TTC39B: variants seen among roughly 807,000 people sequenced by gnomAD.
TTC39B encodes the protein tetratricopeptide repeat protein 39B.
Under a neutral mutation model 96.6 loss-of-function variants are expected in TTC39B, and 92 were observed. The observed-to-expected ratio is 0.95, with a 90% CI of 0.80 to 1.13. The LOEUF (loss-of-function observed/expected upper bound fraction) is 1.13. TTC39B is among the 50% of genes most tolerant of loss of function. The probability of loss-of-function intolerance (pLI) is 0.00; values close to 1 mark genes in which losing one functional copy is unlikely to be tolerated. For synonymous variants in TTC39B, 367 were observed against 299.4 expected, an observed-to-expected ratio of 1.23 and a Z score of -2.33; for missense variants, 955 against 809.3, an observed-to-expected ratio of 1.18 and a Z score of -2.18.
chr9:15,164,579 T>C (rs1172154885), exon 20 of TTC39B: 1 of 152,212 alleles, frequency 6.6e-6, no homozygotes, highest in African/African-American at 2.4e-5. Flanking sequence ...AAAAAAATAC[T>C]TCTCATTTAT....
intron 16 of TTC39B, 78 bp downstream of exon 16, chr9:15,185,202 C>G (rs1409568886): frequency 8.0e-6 from 12 of 1,495,474 alleles, no homozygotes; most frequent in Non-Finnish European, 9.8e-6. Flanking sequence ...AACTTCATAA[C>G]CAAATTTAGA....
chr9:15,198,452 G>A (rs1304340409), intron 8 of TTC39B, among the ~76,000 whole-genome samples: 18 of 108,350 alleles, frequency 1.7e-4, no homozygotes, highest in Admixed American at 6.5e-4. Context: ...GCAAGGTCTC[G>A]GTCGCAAAAA....
intron 1 of TTC39B, among the ~76,000 whole-genome samples, chr9:15,277,394 C>G (rs1476009262): frequency 6.6e-6 from 1 of 152,210 alleles, no homozygotes; most frequent in Non-Finnish European, 1.5e-5. Flanking sequence ...CCCCATTGCA[C>G]TCCAGCCCGA....
At chr9:15,281,986 A>G (rs937365314) in intron 1 of TTC39B, among the ~76,000 whole-genome samples, 3 of 152,178 alleles carry the variant, frequency 2.0e-5, no homozygotes, top group Non-Finnish European at 2.9e-5. Flanking sequence ...ACTTACCTAC[A>G]TATTTTATTA....
At chr9:15,291,194 C>T (rs1319021592) in intron 1 of TTC39B, among the ~76,000 whole-genome samples, 1 of 152,136 alleles carries the variant, frequency 6.6e-6, no homozygotes, top group Admixed American at 6.5e-5. Context: ...TGGCTGTGTC[C>T]CCACCCAAAT....
intron 7 of TTC39B, 83 bp downstream of exon 7, chr9:15,203,740 T>C: frequency 9.0e-7 from 1 of 1,116,078 alleles, no homozygotes; most frequent in South Asian, 1.6e-5. Context: ...AACTGAAGCT[T>C]TGACATAGAA....
chr9:15,285,186 G>C (rs1313328723), intron 1 of TTC39B, among the ~76,000 whole-genome samples: 1 of 151,602 alleles, frequency 6.6e-6, no homozygotes, highest in Non-Finnish European at 1.5e-5. Context: ...GGAGAATGGC[G>C]TGAACCCGGG....
chr9:15,302,609 C>T (rs1174079174), intron 1 of TTC39B, among the ~76,000 whole-genome samples: 6 of 145,724 alleles, frequency 4.1e-5, no homozygotes, highest in East Asian at 4.2e-4. Context: ...TTTGAGAGGC[C>T]GAGGTAGGTG....
rs552123842 is a variant in TTC39B, at chr9:15,212,593, T to C, written c.483-1196A>G. On this transcript the variant is annotated intron_variant, in intron 4 of 19. Transcript: ENST00000512701. The stretch of plus-strand genomic sequence containing the variant: ...GGCATGCACCACCATGCCTGGCTAA[T>C]TTTTTGTATTTTTAGTAGAGACAGG... Among the ~76,000 whole-genome samples the C allele has an allele frequency of 9.2e-5, 14 of 152,070 alleles. 1 individual carries two copies. The South Asian group carries it at 2.9e-3, about 32-fold the overall frequency.
chr9:15,285,764 A>C (rs1417833580), intron 1 of TTC39B, among the ~76,000 whole-genome samples: 1 of 152,098 alleles, frequency 6.6e-6, no homozygotes, highest in Non-Finnish European at 1.5e-5. Flanking sequence ...CTGAGGCAGG[A>C]GAATGGCGTG....
chr9:15,284,501 A>T (rs527279575), intron 1 of TTC39B, among the ~76,000 whole-genome samples: 1 of 152,382 alleles, frequency 6.6e-6, no homozygotes, highest in East Asian at 1.9e-4. Context: ...TAAATAAATT[A>T]TAGTACAATT....
intron 11 of TTC39B, 131 bp from the exon 12 acceptor site, chr9:15,189,923 T>C (rs940900014): frequency 7.6e-6 from 5 of 661,596 alleles, no homozygotes; most frequent in Non-Finnish European, 1.3e-5. Context: ...TTCATCATTT[T>C]TATATCTGGG....
chr9:15,297,760 C>G (rs1371712927), intron 1 of TTC39B, among the ~76,000 whole-genome samples: 2 of 152,112 alleles, frequency 1.3e-5, no homozygotes, highest in African/African-American at 2.4e-5. Context: ...TGCCAGGGAG[C>G]CACCTAAAAT....
At chr9:15,205,082 C>G (rs575814239) in intron 6 of TTC39B, among the ~76,000 whole-genome samples, 5 of 152,170 alleles carry the variant, frequency 3.3e-5, no homozygotes, top group African/African-American at 1.2e-4. Flanking sequence ...TATGGGACCT[C>G]GTCCCCTCTC....
rs556694864 is a variant in TTC39B at position 15,269,787 on chromosome 9, G to A, written c.241-1839C>T. The stretch of plus-strand genomic sequence containing the variant: ...GGATAATCGCTTGAACCTGGGAGGC[G>A]GACGTTACAGTGAGCCGAGATCATG... On this transcript the variant is annotated intron_variant, in intron 1 of 19. Transcript: ENST00000512701. 1.5e-4 allele frequency among the ~76,000 whole-genome samples: 23 copies of A among 150,636 alleles called. No individual in the cohort carries two copies. In the South Asian group the frequency reaches 3.8e-3, roughly 25 times the overall value.
At chr9:15,198,947 T>C (rs1025486064) in intron 8 of TTC39B, among the ~76,000 whole-genome samples, 3 of 152,116 alleles carry the variant, frequency 2.0e-5, no homozygotes, top group Non-Finnish European at 4.4e-5. Flanking sequence ...CAAAGTTAAA[T>C]AGAGACATTT....
chr9:15,211,543 C>A (rs1820201270), intron 4 of TTC39B, 146 bp from the exon 5 acceptor site: 1 of 726,566 alleles, frequency 1.4e-6, no homozygotes, highest in Non-Finnish European at 1.9e-6. Flanking sequence ...TGAAAAGTAA[C>A]CTCTTAAAAA....
intron 2 of TTC39B, among the ~76,000 whole-genome samples, chr9:15,231,709 A>T (rs145585068): frequency 2.1e-3 from 326 of 152,348 alleles, no homozygotes; most frequent in African/African-American, 7.5e-3. Context: ...TAAATCCAAC[A>T]CAATATGTTA....
At chr9:15,218,632 T>TAAAAAAAAAAAAA (rs545882970) in intron 3 of TTC39B, among the ~76,000 whole-genome samples, 1,280 of 105,116 alleles carry the variant, frequency 0.012, 24 homozygotes, top group African/African-American at 0.044. Flanking sequence ...TTAGTCTATT[T>TAAAAAAAAAAAAA]TAAATATATA....
Sources: gnomAD v4.1 joint callset for allele counts (sites outside exome capture counted in the v4.1 genomes callset) on GRCh38, gnomAD v4.1.1 for gene constraint, MANE v1.5 for transcripts, NCBI Gene and HGNC (gene_info 2026-07-23, HGNC 2026-07-21) for gene names.